KLF12: variants seen among roughly 807,000 people sequenced by gnomAD.
KLF12 encodes the protein Krueppel-like factor 12.
A neutral mutation model predicts 37.8 loss-of-function variants in KLF12; 9 were observed. That is an observed-to-expected ratio of 0.24 (90% CI 0.14 to 0.42). The LOEUF is 0.42. Among genes scored for constraint, KLF12 ranks in the 10% least tolerant of loss-of-function variants. The pLI is 1.00. For synonymous variants in KLF12, 208 were observed against 202.1 expected, an observed-to-expected ratio of 1.03 and a Z score of -0.25; for missense variants, 411 against 516.0, an observed-to-expected ratio of 0.80 and a Z score of 1.97.
intron 1 of KLF12, among the ~76,000 whole-genome samples, chr13:74,056,571 AACTT>A (rs1468612980): frequency 6.6e-6 from 1 of 152,208 alleles, no homozygotes; most frequent in Non-Finnish European, 1.5e-5. Context: ...GGAGAAGTAA[AACTT>A]ATCTAAGTAT....
intron 3 of KLF12, among the ~76,000 whole-genome samples, chr13:73,908,966 C>T (rs1399093572): frequency 6.6e-6 from 1 of 152,148 alleles, no homozygotes; most frequent in African/African-American, 2.4e-5. Context: ...TGAATGACAA[C>T]ACGAGGTACA....
chr13:74,151,021 A>G, the KLF12 span, among the ~76,000 whole-genome samples: 1 of 152,256 alleles, frequency 6.6e-6, no homozygotes, highest in Non-Finnish European at 1.5e-5. Context: ...AACTCTTATT[A>G]GTAACTACTT....
chr13:73,990,294 G>C (rs1004619776), intron 2 of KLF12, among the ~76,000 whole-genome samples: 2 of 151,902 alleles, frequency 1.3e-5, no homozygotes, highest in Non-Finnish European at 2.9e-5. Context: ...CAAGATCCAA[G>C]AAAAAATGGA....
chr13:74,181,421 G>A, the KLF12 span, among the ~76,000 whole-genome samples: 1 of 147,060 alleles, frequency 6.8e-6, no homozygotes, highest in African/African-American at 2.5e-5. Context: ...GGTGGCTCAC[G>A]CCTGTAATCC....
At chr13:74,043,349 T>C (rs990886490) in intron 1 of KLF12, among the ~76,000 whole-genome samples, 2 of 152,194 alleles carry the variant, frequency 1.3e-5, no homozygotes, top group Non-Finnish European at 2.9e-5. Flanking sequence ...AATAGCTTGA[T>C]CTAAGGCCAT....
chr13:74,144,769 A>T, the KLF12 span, among the ~76,000 whole-genome samples: 1 of 152,186 alleles, frequency 6.6e-6, no homozygotes, highest in Non-Finnish European at 1.5e-5. Context: ...TAGAGCTGTT[A>T]TATTGAAATA....
At chr13:74,001,283 AT>A (rs1159674487) in intron 1 of KLF12, among the ~76,000 whole-genome samples, 1 of 152,208 alleles carries the variant, frequency 6.6e-6, no homozygotes, top group Non-Finnish European at 1.5e-5. Flanking sequence ...TTACCCAGTA[AT>A]CTCCAGCACT....
At chr13:74,078,932 C>A (rs1874721312) in intron 1 of KLF12, among the ~76,000 whole-genome samples, 1 of 152,102 alleles carries the variant, frequency 6.6e-6, no homozygotes, top group African/African-American at 2.4e-5. Context: ...GACAAAAACT[C>A]TATCCATTAA....
chr13:73,909,132 A>C, intron 3 of KLF12, among the ~76,000 whole-genome samples: 1 of 152,330 alleles, frequency 6.6e-6, no homozygotes, highest in South Asian at 2.1e-4. Context: ...AAGATCTTTC[A>C]GATAATTACA....
intron 2 of KLF12, among the ~76,000 whole-genome samples, chr13:73,985,055 C>T (rs74095942): frequency 0.01 from 1,587 of 152,310 alleles, 25 homozygotes; most frequent in African/African-American, 0.036. Flanking sequence ...CCCCAGTGCG[C>T]AGCTTTACTG....
the KLF12 span, among the ~76,000 whole-genome samples, chr13:74,223,238 T>G: frequency 2.6e-5 from 4 of 152,210 alleles, no homozygotes; most frequent in Non-Finnish European, 2.9e-5. Context: ...CCTTTGTGGT[T>G]TTAACAATAC....
chr13:73,848,171 CA>C (rs1266003957), intron 3 of KLF12, among the ~76,000 whole-genome samples: 5 of 152,058 alleles, frequency 3.3e-5, no homozygotes, highest in Non-Finnish European at 5.9e-5. Flanking sequence ...TTACTTCCAC[CA>C]CAAATTTTTC....
the KLF12 span, among the ~76,000 whole-genome samples, chr13:74,169,938 C>T: frequency 6.6e-6 from 1 of 152,228 alleles, no homozygotes; most frequent in East Asian, 1.9e-4. Flanking sequence ...ACATTTTTCA[C>T]TCCACCTTTA....
intron 4 of KLF12, among the ~76,000 whole-genome samples, chr13:73,822,750 T>C (rs1405939747): frequency 6.6e-6 from 1 of 152,172 alleles, no homozygotes; most frequent in Non-Finnish European, 1.5e-5. Flanking sequence ...TAAAAGGCTT[T>C]TGTGATTTCT....
chr13:74,163,833 C>T, the KLF12 span, among the ~76,000 whole-genome samples: 172 of 52,668 alleles, frequency 3.3e-3, 5 homozygotes, highest in South Asian at 0.14. Context: ...ACATCTTGTG[C>T]ACCCCGTATA....
At chr13:73,828,991 T>C (rs775200648) in intron 4 of KLF12, among the ~76,000 whole-genome samples, 17 of 152,160 alleles carry the variant, frequency 1.1e-4, no homozygotes, top group South Asian at 2.1e-4. Flanking sequence ...CCTGAAGTGA[T>C]AGCCACACCT....
chr13:73,936,859 A>T (rs1889956415), intron 3 of KLF12, among the ~76,000 whole-genome samples: 1 of 152,140 alleles, frequency 6.6e-6, no homozygotes, highest in Non-Finnish European at 1.5e-5. Flanking sequence ...ACAAGAGTTA[A>T]TCCTTTGTGG....
chr13:73,883,727 C>G (rs893772946), intron 3 of KLF12, among the ~76,000 whole-genome samples: 24 of 152,146 alleles, frequency 1.6e-4, no homozygotes, highest in African/African-American at 5.6e-4. Flanking sequence ...CATAGTTTAA[C>G]TGTAAAGAAC....
At chr13:74,104,528 C>G (rs118022732) in intron 1 of KLF12, among the ~76,000 whole-genome samples, 243 of 152,292 alleles carry the variant, frequency 1.6e-3, no homozygotes, top group Non-Finnish European at 3.0e-3. Context: ...TTCTCCTGCT[C>G]CCTCACATTT....
Sources: allele counts gnomAD v4.1 joint callset (sites outside exome capture counted in the v4.1 genomes callset), GRCh38; gene constraint gnomAD v4.1.1; transcripts MANE v1.5; gene names NCBI Gene and HGNC (gene_info 2026-07-23, HGNC 2026-07-21).